SAMD5: variants seen among roughly 807,000 people sequenced by gnomAD.
The protein encoded by SAMD5 is sterile alpha motif domain containing 5.
A neutral mutation model predicts 11.3 loss-of-function variants in SAMD5; 13 were observed. The ratio of observed to expected loss-of-function variants is 1.15; its 90% CI spans 0.75 to 1.83. The LOEUF is 1.83. SAMD5 is among the 40% of genes most tolerant of loss of function. The probability of loss-of-function intolerance (pLI) is 0.00; values close to 1 mark genes in which losing one functional copy is unlikely to be tolerated. For missense variants in SAMD5, 255 were observed against 239.1 expected, an observed-to-expected ratio of 1.07 and a Z score of -0.44; for synonymous variants, 129 against 111.3, an observed-to-expected ratio of 1.16 and a Z score of -1.00.
At chr6:147,741,846 C>T (rs1791883959), downstream of SAMD5, 1 of 152,188 alleles carries the variant, frequency 6.6e-6, no homozygotes, top group African/African-American at 2.4e-5. Flanking sequence ...TTTCAAAGCT[C>T]ATCATGCTGC....
At chr6:147,845,359 A>T in the SAMD5 span, among the ~76,000 whole-genome samples, 2 of 152,132 alleles carry the variant, frequency 1.3e-5, no homozygotes, top group Non-Finnish European at 2.9e-5. Flanking sequence ...CTCAGAATTG[A>T]TCCCAAGATC....
intron 1 of SAMD5, among the ~76,000 whole-genome samples, chr6:147,646,889 G>A (rs1487078469): frequency 6.6e-6 from 1 of 151,496 alleles, no homozygotes; most frequent in Non-Finnish European, 1.5e-5. Flanking sequence ...TGTAATCCCA[G>A]TACTTTGGGA....
the SAMD5 span, among the ~76,000 whole-genome samples, chr6:147,852,063 C>T: frequency 6.6e-6 from 1 of 152,034 alleles, no homozygotes; most frequent in Non-Finnish European, 1.5e-5. Flanking sequence ...TCATAAAACT[C>T]CTAAAATAAA....
At chr6:147,918,087 T>A in the SAMD5 span, among the ~76,000 whole-genome samples, 1 of 152,322 alleles carries the variant, frequency 6.6e-6, no homozygotes, top group East Asian at 1.9e-4. Flanking sequence ...TTTTTCCAAT[T>A]CTTTGAAGAA....
chr6:147,521,473 A>T (rs1307006845), intron 1 of SAMD5, among the ~76,000 whole-genome samples: 3 of 152,156 alleles, frequency 2.0e-5, no homozygotes, highest in Admixed American at 2.0e-4. Context: ...CTTTTCAGTA[A>T]TTTTTTAGCT....
chr6:147,509,644 C>T, intron 1 of SAMD5, among the ~76,000 whole-genome samples: 1 of 152,224 alleles, frequency 6.6e-6, no homozygotes, highest in East Asian at 1.9e-4. Context: ...CGCATCCTCT[C>T]TGGTGCTCGC....
At chr6:147,866,777 C>T in the SAMD5 span, among the ~76,000 whole-genome samples, 1 of 149,766 alleles carries the variant, frequency 6.7e-6, no homozygotes, top group South Asian at 2.1e-4. Flanking sequence ...TAGATTCTGG[C>T]TAAAATCGTT....
chr6:147,593,512 T>C (rs560636404), intron 1 of SAMD5, among the ~76,000 whole-genome samples: 5 of 152,306 alleles, frequency 3.3e-5, no homozygotes, highest in Non-Finnish European at 7.3e-5. Context: ...ATATTCTTTA[T>C]AGCGAATGTG....
intron 1 of SAMD5, among the ~76,000 whole-genome samples, chr6:147,717,472 A>G (rs1791484671): frequency 6.6e-6 from 1 of 152,174 alleles, no homozygotes. Context: ...CCCAAGTCTC[A>G]GGTTATCTGC....
the SAMD5 span, among the ~76,000 whole-genome samples, chr6:147,879,984 G>T: frequency 1.3e-5 from 2 of 152,158 alleles, no homozygotes; most frequent in South Asian, 4.2e-4. Context: ...TTCTTTTTAG[G>T]ATAACTCTTA....
intron 1 of SAMD5, among the ~76,000 whole-genome samples, chr6:147,608,027 C>T (rs951991731): frequency 1.3e-5 from 2 of 152,030 alleles, no homozygotes; most frequent in African/African-American, 2.4e-5. Context: ...CAAGTAAGCA[C>T]ATAAAAAGGT....
chr6:147,879,174 C>T, the SAMD5 span, among the ~76,000 whole-genome samples: 1 of 152,188 alleles, frequency 6.6e-6, no homozygotes, highest in Non-Finnish European at 1.5e-5. Flanking sequence ...TTTGTGCTTA[C>T]CTCATATGCA....
At position 147,734,711 on chromosome 6, in the gene SAMD5, T is replaced by TAAAAAAAAAAAAAAAA. The variant is rs61482319; in HGVS notation, c.163-2590_163-2575dup. ...CTGGGCGGCAGAGCGAGACTCCATC[T>TAAAAAAAAAAAAAAAA]AAAAAAAAAAAAAAAAAAAAAAAAA... On this transcript the variant is annotated intron_variant, in intron 1 of 1. Transcript: ENST00000566741. Among the ~76,000 whole-genome samples the TAAAAAAAAAAAAAAAA allele has an allele frequency of 1.1e-3, 28 of 26,108 alleles. 1 individual carries two copies. The highest frequency in any genetic ancestry group is 2.2e-3 in the East Asian group (2 of 918). The allele number at this position is 26,108 out of a possible 152,430, so 17.1% of individuals were successfully genotyped here. A position where few individuals can be genotyped will look rare whatever the true frequency, so the allele number is the denominator to read the frequency against.
the SAMD5 span, among the ~76,000 whole-genome samples, chr6:147,807,941 C>A: frequency 6.6e-6 from 1 of 152,144 alleles, no homozygotes; most frequent in Admixed American, 6.5e-5. Flanking sequence ...ACATTTTTAT[C>A]ATATTTTAGT....
At chr6:147,575,468 T>G (rs1382389020) in intron 1 of SAMD5, among the ~76,000 whole-genome samples, 1 of 152,278 alleles carries the variant, frequency 6.6e-6, no homozygotes, top group Non-Finnish European at 1.5e-5. Flanking sequence ...CATATTTGTG[T>G]GTTTGCACAT....
the SAMD5 span, among the ~76,000 whole-genome samples, chr6:147,799,109 T>G: frequency 6.6e-6 from 1 of 152,006 alleles, no homozygotes; most frequent in African/African-American, 2.4e-5. Flanking sequence ...GATCCTGTCA[T>G]TATGATGTTA....
intron 1 of SAMD5, among the ~76,000 whole-genome samples, chr6:147,654,580 G>A (rs541035053): frequency 2.0e-5 from 3 of 151,890 alleles, no homozygotes; most frequent in African/African-American, 7.3e-5. Flanking sequence ...CCATTTTAGC[G>A]TTTTCAGAGA....
chr6:147,839,776 G>A, the SAMD5 span, among the ~76,000 whole-genome samples: 4 of 152,048 alleles, frequency 2.6e-5, no homozygotes, highest in African/African-American at 7.3e-5. Context: ...GTAAAAACAT[G>A]GATAGTATTC....
intron 1 of SAMD5, among the ~76,000 whole-genome samples, chr6:147,689,967 G>A (rs1044460773): frequency 2.0e-5 from 3 of 152,170 alleles, no homozygotes; most frequent in Admixed American, 1.3e-4. Flanking sequence ...CTGTTTCCTT[G>A]ACGGTTAATA....
Sources: gnomAD v4.1 joint callset for allele counts (sites outside exome capture counted in the v4.1 genomes callset) on GRCh38, gnomAD v4.1.1 for gene constraint, MANE v1.5 for transcripts, NCBI Gene and HGNC (gene_info 2026-07-23, HGNC 2026-07-21) for gene names.